Variants in SLC43A2 observed in about 807,000 individuals in gnomAD.
SLC43A2 encodes solute carrier family 43 member 2.
In SLC43A2, 38 loss-of-function variants were observed where a neutral mutation model predicts 63.2. That is an observed-to-expected ratio of 0.60 (90% CI 0.46 to 0.79). The LOEUF is 0.79. Ranked by LOEUF, SLC43A2 falls within the 30% of genes least tolerant of loss-of-function variation. The probability of loss-of-function intolerance (pLI) is 0.00; values close to 1 mark genes in which losing one functional copy is unlikely to be tolerated. For missense variants in SLC43A2, 644 were observed against 756.2 expected (o/e 0.85, Z 1.74); for synonymous variants, 322 against 331.0 (o/e 0.97, Z 0.30).
At chr17:1,594,725 C>G (rs1424893756) in intron 5 of SLC43A2, among the ~76,000 whole-genome samples, 16 of 149,920 alleles carry the variant, frequency 1.1e-4, no homozygotes, top group Admixed American at 2.7e-4. Context: ...GTAGCTGGGA[C>G]TATAGGCGCC....
intron 2 of SLC43A2, among the ~76,000 whole-genome samples, chr17:1,620,724 G>A (rs1253333632): frequency 6.6e-6 from 1 of 152,070 alleles, no homozygotes; most frequent in Non-Finnish European, 1.5e-5. Flanking sequence ...CCCTTGGTGA[G>A]CCCAGAAGCT....
At chr17:1,613,328 G>A (rs59078842) in intron 4 of SLC43A2, 57 bp from the exon 5 acceptor site, 85,622 of 1,550,864 alleles carry the variant, frequency 0.055, 6,416 homozygotes, top group African/African-American at 0.34. Flanking sequence ...CAGGGAAGCC[G>A]GGACCAGCCC....
Position 1,571,389 on chromosome 17 carries a change from G to C in SLC43A2, c.*4215C>G, listed in dbSNP as rs1312471750. The C allele has an allele frequency of 6.6e-6, 1 of 152,300 alleles. No homozygotes were observed. 9.4% of individuals were successfully genotyped at this position (152,300 alleles called of 1,614,324 possible). A position where few individuals can be genotyped will look rare whatever the true frequency, so the allele number is the denominator to read the frequency against. On this transcript the variant is annotated 3_prime_UTR_variant, in exon 14 of 14. Coordinates refer to ENST00000301335, the MANE Select transcript of SLC43A2 (RefSeq NM_152346.3). This position sits in a 1 kb window ranked among gnomAD's most constrained non-coding sequence, Gnocchi z 5.2. ...GGAGCTGCTGCTGAAGGAGCCCGAC[G>C]GCTGATTCTGTGGAGGCTTCTCAGA...
At position 1,591,332 on chromosome 17, in the gene SLC43A2, C is replaced by T. The variant is rs1196143764; in HGVS notation, c.868G>A (p.Glu290Lys). Residue 290 changes from glutamate to lysine, a missense_variant, in exon 8 of 14, where the codon GAG becomes AAG. Transcript: ENST00000301335. The part of the protein sequence containing the change: ...RSAKEQVALQ[E>K]GHKLCLSTVD... ...GTGGACAGGCACAGCTTGTGGCCCT[C>T]CTGCAGCGCCACCTGCTCCTTGGCA... The T allele has an allele frequency of 6.2e-7, 1 of 1,609,678 alleles. No individual in the cohort carries two copies. Among genetic ancestry groups the T allele is most frequent in the Non-Finnish European group, 8.5e-7 (1 of 1,179,946 alleles).
intron 4 of SLC43A2, among the ~76,000 whole-genome samples, chr17:1,614,500 A>G (rs1443500741): frequency 7.5e-6 from 1 of 133,772 alleles, no homozygotes; most frequent in Non-Finnish European, 1.6e-5. Context: ...GTTCCTGAAA[A>G]TCAGTAGATG....
chr17:1,621,137 C>A (rs1053009637), intron 2 of SLC43A2, among the ~76,000 whole-genome samples: 1 of 152,166 alleles, frequency 6.6e-6, no homozygotes, highest in Admixed American at 6.5e-5. Context: ...GGACGTACAC[C>A]GTTCAGCCCC....
chr17:1,617,431 C>A (rs929516353), intron 2 of SLC43A2, among the ~76,000 whole-genome samples: 1 of 152,100 alleles, frequency 6.6e-6, no homozygotes, highest in African/African-American at 2.4e-5. Context: ...CACTCTGTTG[C>A]CCAGGCTGGA....
At position 1,593,094 on chromosome 17, in the gene SLC43A2, C is replaced by A; in HGVS notation, c.594+93G>T. On this transcript the variant is annotated intron_variant, in intron 6 of 13. Coordinates refer to ENST00000301335, the MANE Select transcript of SLC43A2 (RefSeq NM_152346.3). The surrounding 1 kb of genome is among the most constrained non-coding windows in gnomAD (Gnocchi z 5.3). Reference sequence around the variant, plus strand: ...TGGGGGTGGTGGAGAGGGGCCACCCCGGGTGCCCACAATTGCCTCCCTCTT... The same window carrying A: ...TGGGGGTGGTGGAGAGGGGCCACCCAGGGTGCCCACAATTGCCTCCCTCTT... 2 of 1,233,800 alleles carry A rather than the reference C, an allele frequency of 1.6e-6. No individual in the cohort carries two copies. The highest frequency in any genetic ancestry group is 1.3e-5 in the South Asian group (1 of 78,098). 76.4% of individuals were successfully genotyped at this position (1,233,800 alleles called of 1,614,324 possible). A position where few individuals can be genotyped will look rare whatever the true frequency, so the allele number is the denominator to read the frequency against.
At position 1,615,406 on chromosome 17, in the gene SLC43A2, A is replaced by G. The variant is rs1267573996; in HGVS notation, c.369-372T>C. ...ATTACCAGTGTAAGCCACCGTGCCC[A>G]GCCCATTTTCATTTATATTTTTGTA... On this transcript the variant is annotated intron_variant, in intron 3 of 13. Coordinates refer to ENST00000301335, the MANE Select transcript of SLC43A2 (RefSeq NM_152346.3). Among the ~76,000 whole-genome samples, 13 of 152,040 alleles carry G rather than the reference A, an allele frequency of 8.6e-5. No individual in the cohort carries two copies. The Middle Eastern group carries it at 0.014, about 159-fold the overall frequency.
Position 1,576,714 on chromosome 17 carries a change from G to A in SLC43A2, c.1431C>T (p.Pro477=), listed in dbSNP as rs778518783. 3.7e-5 allele frequency: 59 copies of A among 1,609,606 alleles called. No individual in the cohort carries two copies. The highest frequency in any genetic ancestry group is 4.5e-5 in the Non-Finnish European group (53 of 1,179,844). The change falls in exon 13 of 14, where the codon CCC becomes CCT. Residue 477 remains proline (P), a synonymous_variant. Coordinates refer to ENST00000301335, the MANE Select transcript of SLC43A2 (RefSeq NM_152346.3). ...CCGTGAGGCTGCCGAACTGGGTGGA[G>A]GGGTACCTGCAGGGCAAGCGACAGC... ...AVGGLYAAVY[P]STQFGSLTGL... is the part of the protein sequence containing the mutation.
At chr17:1,596,602 T>C (rs7223748) in intron 5 of SLC43A2, among the ~76,000 whole-genome samples, 42,687 of 151,812 alleles carry the variant, frequency 0.28, 6,448 homozygotes, top group Non-Finnish European at 0.34. Flanking sequence ...TTTTTTTAGA[T>C]GGAGTCTCGC....
chr17:1,591,436 T>C lies in SLC43A2; in HGVS notation c.764A>G (p.His255Arg). The change falls in exon 8 of 14, where the codon CAC becomes CGC. Residue 255 changes from histidine to arginine, a missense_variant. Physicochemically the swap from His to Arg is conservative, Grantham distance 29 (BLOSUM62 0). Around this residue, in one of 3 missense-constraint regions of SLC43A2, gnomAD observed 528 missense variants for 623.6 expected, o/e 0.85. Transcript: ENST00000301335. ...GTAGAACTGCTTCCCTGTGATCTTG[T>C]GGTCAAAGCCCAGCCAGCTGAACTT... The part of the protein sequence containing the change: ...KIKFSWLGFD[H>R]KITGKQFYKQ... The C allele has an allele frequency of 6.2e-7, 1 of 1,613,192 alleles. No individual in the cohort carries two copies. The highest frequency in any genetic ancestry group is 8.5e-7 in the Non-Finnish European group (1 of 1,179,908).
chr17:1,586,929 C>CCCCCCCCCCCCCCCCCCCCCCCGG, intron 9 of SLC43A2: 1 of 657,350 alleles, frequency 1.5e-6, no homozygotes, highest in Non-Finnish European at 2.5e-6. Flanking sequence ...CCCTGACAAT[C>CCCCCCCCCCCCCCCCCCCCCCCGG]CCCCCCACCC....
chr17:1,600,327 T>C (rs1905854436), intron 5 of SLC43A2, among the ~76,000 whole-genome samples: 1 of 145,408 alleles, frequency 6.9e-6, no homozygotes, highest in African/African-American at 2.5e-5. Flanking sequence ...ATTTTTGTAT[T>C]TTTAGTAGAG....
At chr17:1,599,700 CA>C (rs930917232) in intron 5 of SLC43A2, among the ~76,000 whole-genome samples, 1 of 151,088 alleles carries the variant, frequency 6.6e-6, no homozygotes, top group East Asian at 1.9e-4. Flanking sequence ...GACTCCGTCT[CA>C]AAAAAACAAA....
At chr17:1,576,499 G>T in intron 13 of SLC43A2, 98 bp downstream of exon 13, 1 of 1,360,034 alleles carries the variant, frequency 7.4e-7, no homozygotes, top group Non-Finnish European at 9.9e-7. Context: ...GCTCCCACAT[G>T]TCCTCGGGGC....
At chr17:1,627,646 G>GCC in intron 2 of SLC43A2, 69 bp downstream of exon 2, 1 of 733,230 alleles carries the variant, frequency 1.4e-6, no homozygotes, top group Admixed American at 3.0e-5. Context: ...CTAGGTCTTC[G>GCC]CCCCCATCCC....
Position 1,583,192 on chromosome 17 carries a change from C to A in SLC43A2, c.1350+12G>T, listed in dbSNP as rs1280131360. ...CCACCTCCCACCTGCCCCTCCCACT[C>A]CCCACACCCACCTGGAGAGGCAGGT... On this transcript the variant is annotated intron_variant, in intron 11 of 13. Coordinates refer to ENST00000301335, the MANE Select transcript of SLC43A2 (RefSeq NM_152346.3). This position sits in a 1 kb window ranked among gnomAD's most constrained non-coding sequence, Gnocchi z 5.5. The A allele has an allele frequency of 5.6e-6, 9 of 1,613,572 alleles. No homozygotes were observed. In the East Asian group the frequency reaches 2.0e-4, roughly 36 times the overall value.
intron 11 of SLC43A2, among the ~76,000 whole-genome samples, chr17:1,579,954 A>T (rs1279717383): frequency 6.7e-6 from 1 of 149,494 alleles, no homozygotes; most frequent in Admixed American, 6.7e-5. Context: ...TTTTTTGGAG[A>T]CAGAGTCTTG....
Sources: gnomAD v4.1 joint callset for allele counts (sites outside exome capture counted in the v4.1 genomes callset) on GRCh38, gnomAD v4.1.1 for gene constraint, gnomAD v4.1.1 regional missense constraint, Gnocchi (gnomAD v3.1) non-coding constraint, MANE v1.5 for transcripts, NCBI Gene and HGNC (gene_info 2026-07-23, HGNC 2026-07-21) for gene names.